Variants in ELF5 observed in about 807,000 individuals in gnomAD.
ELF5 encodes the protein ETS-related transcription factor Elf-5.
Under a neutral mutation model 38.2 loss-of-function variants are expected in ELF5, and 31 were observed. The observed-to-expected ratio is 0.81, with a 90% confidence interval of 0.61 to 1.10. ELF5 has a LOEUF of 1.10. ELF5 is among the 50% of genes least tolerant of loss of function. The probability of loss-of-function intolerance (pLI) is 0.00; values close to 1 mark genes in which losing one functional copy is unlikely to be tolerated. For synonymous variants in ELF5, 121 were observed against 112.5 expected, an observed-to-expected ratio of 1.08 and a Z score of -0.48; for missense variants, 300 against 306.6, an observed-to-expected ratio of 0.98 and a Z score of 0.16.
chr11:34,482,381 T>C, intron 5 of ELF5, 50 bp downstream of exon 5: 1 of 1,540,166 alleles, frequency 6.5e-7, no homozygotes, highest in Non-Finnish European at 8.9e-7. Flanking sequence ...TGACTTTGTC[T>C]GAGGAATGGT....
chr11:34,493,271 C>T (rs570572795), intron 3 of ELF5: 215 of 610,638 alleles, frequency 3.5e-4, no homozygotes, highest in Non-Finnish European at 5.7e-4. Flanking sequence ...TTTAAATGCA[C>T]TCAATTTGCA....
chr11:34,481,266 T>C (rs1316215465), intron 5 of ELF5, among the ~76,000 whole-genome samples: 1 of 152,166 alleles, frequency 6.6e-6, no homozygotes, highest in East Asian at 1.9e-4. Flanking sequence ...TCAGGTGTTG[T>C]ACCCGCCTCA....
intron 2 of ELF5, among the ~76,000 whole-genome samples, chr11:34,494,499 G>C (rs981038274): frequency 2.6e-4 from 40 of 152,174 alleles, no homozygotes; most frequent in African/African-American, 9.4e-4. Context: ...GTGGTGTTCA[G>C]AGTAATTTCT....
intron 2 of ELF5, among the ~76,000 whole-genome samples, chr11:34,501,065 G>A (rs1850453971): frequency 6.6e-6 from 1 of 152,206 alleles, no homozygotes; most frequent in Non-Finnish European, 1.5e-5. Flanking sequence ...GAGAAAGTAA[G>A]GCTCACGGGT....
intron 3 of ELF5, among the ~76,000 whole-genome samples, chr11:34,490,638 G>A (rs1386854589): frequency 6.6e-6 from 1 of 152,158 alleles, no homozygotes; most frequent in Non-Finnish European, 1.5e-5. Context: ...GATGATGTCA[G>A]GACCTTGGTT....
chr11:34,501,472 C>T (rs182955707), intron 2 of ELF5, among the ~76,000 whole-genome samples: 61 of 152,222 alleles, frequency 4.0e-4, no homozygotes, highest in African/African-American at 1.3e-3. Context: ...AAAGTAGTGG[C>T]AAGGCCAGGG....
At chr11:34,501,108 T>A (rs1181883565) in intron 2 of ELF5, among the ~76,000 whole-genome samples, 2 of 152,228 alleles carry the variant, frequency 1.3e-5, no homozygotes, top group African/African-American at 4.8e-5. Context: ...AACCCGTAAG[T>A]GGCAGAGCTA....
intron 1 of ELF5, among the ~76,000 whole-genome samples, chr11:34,510,473 C>T (rs1417047694): frequency 6.6e-6 from 1 of 152,106 alleles, no homozygotes; most frequent in Non-Finnish European, 1.5e-5. Flanking sequence ...CTCTAAGGTC[C>T]TTGCAATAAT....
intron 1 of ELF5, among the ~76,000 whole-genome samples, chr11:34,508,557 T>C (rs1346854848): frequency 1.3e-5 from 2 of 151,856 alleles, no homozygotes; most frequent in African/African-American, 4.8e-5. Flanking sequence ...CATTTTTAAG[T>C]GGTTACATTT....
chr11:34,490,205 G>A lies in ELF5; in HGVS notation c.356-146C>T. ...TTAGAGGGAACCTTGGAGACCATCT[G>A]GTCTTAGAGTGTCACCCTGAAGCCA... is the stretch of plus-strand genomic sequence containing the variant. On this transcript the variant is annotated intron_variant, in intron 3 of 6. Transcript: ENST00000257832. 1.1e-5 allele frequency: 9 copies of A among 842,802 alleles called. No homozygotes were observed. In the South Asian group the frequency reaches 1.3e-4, roughly 12 times the overall value. The allele number at this position is 842,802 out of a possible 1,614,324, so 52.2% of individuals were successfully genotyped here. A position where few individuals can be genotyped will look rare whatever the true frequency, so the allele number is the denominator to read the frequency against.
intron 1 of ELF5, among the ~76,000 whole-genome samples, chr11:34,508,820 AGT>A (rs1850678038): frequency 6.6e-6 from 1 of 152,248 alleles, no homozygotes; most frequent in Admixed American, 6.5e-5. Context: ...TCACATAGCC[AGT>A]GGATGCCAGA....
chr11:34,481,086 G>A (rs1379908838), intron 5 of ELF5, 119 bp from the exon 6 acceptor site: 7 of 771,528 alleles, frequency 9.1e-6, no homozygotes, highest in Admixed American at 3.9e-5. Flanking sequence ...GCAATGGTGC[G>A]ATCTCGGCTC....
At position 34,480,075 on chromosome 11, in the gene ELF5, T is replaced by G; in HGVS notation, c.*143A>C. The G allele has an allele frequency of 1.5e-6, 1 of 671,848 alleles. No individual in the cohort carries two copies. 41.6% of individuals were successfully genotyped at this position (671,848 alleles called of 1,614,324 possible). ...TAGACAACAACTCTGAATCCAAATG[T>G]AAGCTGAGATGTGGAGAAATTTTAT... On this transcript the variant is annotated 3_prime_UTR_variant, in exon 7 of 7. Coordinates refer to ENST00000257832, the MANE Select transcript of ELF5 (RefSeq NM_001422.4).
intron 4 of ELF5, among the ~76,000 whole-genome samples, chr11:34,484,595 G>A (rs563305742): frequency 1.3e-5 from 2 of 151,926 alleles, no homozygotes; most frequent in Non-Finnish European, 2.9e-5. Flanking sequence ...TGAAGGAAGG[G>A]CAGGAATGAC....
chr11:34,500,686 C>T (rs901705395), intron 2 of ELF5, among the ~76,000 whole-genome samples: 2 of 152,234 alleles, frequency 1.3e-5, no homozygotes, highest in African/African-American at 4.8e-5. Context: ...GTGGGCGCTG[C>T]CACAGGGCTC....
chr11:34,504,732 C>A (rs1444239941), intron 2 of ELF5, among the ~76,000 whole-genome samples: 1 of 152,208 alleles, frequency 6.6e-6, no homozygotes, highest in Non-Finnish European at 1.5e-5. Flanking sequence ...TGTGGTCACC[C>A]AAGCACCTCA....
At chr11:34,493,161 C>T in intron 3 of ELF5, 2 of 506,256 alleles carry the variant, frequency 4.0e-6, no homozygotes, top group African/African-American at 1.9e-5. Context: ...TCTTTTTTGT[C>T]CATCCTGTGT....
chr11:34,485,033 C>G (rs575654559), intron 4 of ELF5, among the ~76,000 whole-genome samples: 30 of 152,294 alleles, frequency 2.0e-4, no homozygotes, highest in African/African-American at 7.0e-4. Context: ...ATCTCTTTTT[C>G]TCCTCCACTA....
At chr11:34,491,015 C>A (rs2146962) in intron 3 of ELF5, among the ~76,000 whole-genome samples, 1 of 151,858 alleles carries the variant, frequency 6.6e-6, no homozygotes, top group Non-Finnish European at 1.5e-5. Flanking sequence ...CAATACCTAC[C>A]GAGCTGGATG....
Sources: allele counts gnomAD v4.1 joint callset (sites outside exome capture counted in the v4.1 genomes callset), GRCh38; gene constraint gnomAD v4.1.1; transcripts MANE v1.5; gene names NCBI Gene and HGNC (gene_info 2026-07-23, HGNC 2026-07-21).